Variants in LRRTM3 observed in about 807,000 individuals in gnomAD.
The protein encoded by LRRTM3 is leucine rich repeat transmembrane neuronal 3.
In LRRTM3, 24 loss-of-function variants were observed where a neutral mutation model predicts 44.7. The ratio of observed to expected loss-of-function variants is 0.54; its 90% CI spans 0.39 to 0.76. The LOEUF (loss-of-function observed/expected upper bound fraction) is 0.76. Ranked by LOEUF, LRRTM3 falls within the 30% of genes least tolerant of loss-of-function variation. LRRTM3 has a pLI of 0.00. For missense variants in LRRTM3, 587 were observed against 702.2 expected, an observed-to-expected ratio of 0.84 and a Z score of 1.85; for synonymous variants, 277 against 278.7, an observed-to-expected ratio of 0.99 and a Z score of 0.06.
At chr10:66,988,908 C>G (rs1311669455) in intron 2 of LRRTM3, among the ~76,000 whole-genome samples, 1 of 151,954 alleles carries the variant, frequency 6.6e-6, no homozygotes, top group Non-Finnish European at 1.5e-5. Flanking sequence ...CCCCTATTTG[C>G]TCCACTACTC....
intron 2 of LRRTM3, among the ~76,000 whole-genome samples, chr10:66,986,646 G>A (rs1033265074): frequency 6.6e-6 from 1 of 152,112 alleles, no homozygotes; most frequent in African/African-American, 2.4e-5. Context: ...AAGAATTTTA[G>A]AATGAATCAA....
chr10:67,089,505 A>G (rs1857501497), intron 2 of LRRTM3, among the ~76,000 whole-genome samples: 1 of 152,070 alleles, frequency 6.6e-6, no homozygotes, highest in Non-Finnish European at 1.5e-5. Flanking sequence ...GAACAAATAA[A>G]TCAGTTTCAA....
At chr10:67,049,543 A>T (rs1340716933) in intron 2 of LRRTM3, among the ~76,000 whole-genome samples, 1 of 152,160 alleles carries the variant, frequency 6.6e-6, no homozygotes, top group Non-Finnish European at 1.5e-5. Context: ...CAAGGTTGAG[A>T]TGATAAAACT....
chr10:67,097,698 C>A lies in LRRTM3; in HGVS notation c.1648C>A (p.Gln550Lys). The A allele has an allele frequency of 6.2e-7, 1 of 1,612,624 alleles. No homozygotes were observed. The highest frequency in any genetic ancestry group is 8.5e-7 in the Non-Finnish European group (1 of 1,179,032). Residue 550 changes from glutamine (Q) to lysine (K), a missense_variant, in exon 3 of 3, where the codon CAG (glutamine) becomes AAG (lysine). Around this residue, in one of 3 missense-constraint regions of LRRTM3, gnomAD observed 315 missense variants for 335.6 expected, o/e 0.94. Coordinates refer to ENST00000361320, the MANE Select transcript of LRRTM3 (RefSeq NM_178011.5). ...CCATAAGTCCTTTGAAACGAATGCA[C>A]AGGAAGATACGATGGAAACACACCT... The part of the protein sequence containing the change: ...LSHKSFETNA[Q>K]EDTMETHLET...
intron 2 of LRRTM3, among the ~76,000 whole-genome samples, chr10:67,011,245 G>A (rs926938909): frequency 5.3e-5 from 8 of 151,694 alleles, no homozygotes; most frequent in African/African-American, 1.9e-4. Context: ...GGAGGCTGAG[G>A]CAGGAGAATT....
chr10:66,963,556 G>A (rs1849237495), intron 2 of LRRTM3, among the ~76,000 whole-genome samples: 1 of 152,080 alleles, frequency 6.6e-6, no homozygotes. Flanking sequence ...GTGATCAGAT[G>A]AACTGATCAC....
chr10:66,983,796 G>C (rs1472720438), intron 2 of LRRTM3, among the ~76,000 whole-genome samples: 1 of 152,148 alleles, frequency 6.6e-6, no homozygotes, highest in African/African-American at 2.4e-5. Context: ...AAATTTTGCT[G>C]TTAAAATGTA....
chr10:66,995,714 T>C (rs982766999), intron 2 of LRRTM3, among the ~76,000 whole-genome samples: 7 of 152,166 alleles, frequency 4.6e-5, no homozygotes, highest in African/African-American at 1.7e-4. Context: ...GTAGCTTTGC[T>C]TACACTGCTC....
intron 2 of LRRTM3, among the ~76,000 whole-genome samples, chr10:67,017,750 T>TGTGC (rs753061292): frequency 6.8e-6 from 1 of 147,006 alleles, no homozygotes; most frequent in Non-Finnish European, 1.5e-5. Flanking sequence ...TGTGTGTGTG[T>TGTGC]GTGCGCGCGT....
intron 2 of LRRTM3, among the ~76,000 whole-genome samples, chr10:67,079,367 T>C (rs1217928471): frequency 6.6e-6 from 1 of 152,218 alleles, no homozygotes; most frequent in Non-Finnish European, 1.5e-5. Context: ...AACACAGCGA[T>C]AGGGCAGTTC....
At chr10:67,022,561 T>C (rs188694454) in intron 2 of LRRTM3, among the ~76,000 whole-genome samples, 191 of 152,266 alleles carry the variant, frequency 1.3e-3, no homozygotes, top group Middle Eastern at 0.01. Context: ...AAAAGTGAAT[T>C]TAGTAAGGTT....
At chr10:67,017,903 G>A (rs4746653) in intron 2 of LRRTM3, among the ~76,000 whole-genome samples, 47,633 of 151,738 alleles carry the variant, frequency 0.31, 7,789 homozygotes, top group Middle Eastern at 0.5. Flanking sequence ...CCAAGTAGCC[G>A]GGACTACAGG....
chr10:67,095,064 G>GTATA (rs77595743), intron 2 of LRRTM3, among the ~76,000 whole-genome samples: 82,382 of 150,212 alleles, frequency 0.55, 24,164 homozygotes, highest in African/African-American at 0.77. Flanking sequence ...GTATCTGTAT[G>GTATA]TGTGTACCCC....
intron 2 of LRRTM3, among the ~76,000 whole-genome samples, chr10:67,057,942 C>T (rs982252675): frequency 1.3e-5 from 2 of 152,116 alleles, no homozygotes; most frequent in Non-Finnish European, 2.9e-5. Flanking sequence ...TATCACTTTG[C>T]AGAAGTGATT....
intron 2 of LRRTM3, among the ~76,000 whole-genome samples, chr10:67,021,555 A>G (rs372653940): frequency 1.2e-4 from 18 of 152,168 alleles, no homozygotes; most frequent in Non-Finnish European, 2.1e-4. Context: ...ATGGGTTGCT[A>G]TGTAGCTATC....
intron 2 of LRRTM3, among the ~76,000 whole-genome samples, chr10:66,960,922 T>C (rs1849074533): frequency 6.6e-6 from 1 of 152,162 alleles, no homozygotes; most frequent in South Asian, 2.1e-4. Flanking sequence ...TTCTTAAGTT[T>C]TTTTGCTAAG....
chr10:66,960,109 T>C (rs1472627648), intron 2 of LRRTM3, among the ~76,000 whole-genome samples: 1 of 152,106 alleles, frequency 6.6e-6, no homozygotes, highest in Non-Finnish European at 1.5e-5. Flanking sequence ...CCTAAAAATA[T>C]TTCTTTCTCT....
chr10:67,079,914 T>C (rs866878145), intron 2 of LRRTM3, among the ~76,000 whole-genome samples: 2 of 141,414 alleles, frequency 1.4e-5, no homozygotes, highest in South Asian at 2.3e-4. Context: ...CACACAAAGA[T>C]AGTCACTAAC....
At chr10:66,930,741 A>G (rs1372034605) in intron 2 of LRRTM3, among the ~76,000 whole-genome samples, 1 of 152,192 alleles carries the variant, frequency 6.6e-6, no homozygotes, top group Non-Finnish European at 1.5e-5. Context: ...ATATAACACT[A>G]AATGAATCAC....
Sources: gnomAD v4.1 joint callset for allele counts (sites outside exome capture counted in the v4.1 genomes callset) on GRCh38, gnomAD v4.1.1 for gene constraint, gnomAD v4.1.1 regional missense constraint, MANE v1.5 for transcripts, NCBI Gene and HGNC (gene_info 2026-07-23, HGNC 2026-07-21) for gene names.